The following GLG1 variants were observed in gnomAD, a reference collection of about 807,000 sequenced individuals.
GLG1 encodes the protein Golgi apparatus protein 1.
In GLG1, 38 loss-of-function variants were observed where a neutral mutation model predicts 160.5. The ratio of observed to expected loss-of-function variants is 0.24; its 90% confidence interval spans 0.18 to 0.31. The LOEUF (loss-of-function observed/expected upper bound fraction) is 0.31. GLG1 is among the 10% of genes least tolerant of loss of function. The pLI, the probability that GLG1 is intolerant of heterozygous loss-of-function variation, is 1.00. For synonymous variants in GLG1, 644 were observed against 543.4 expected, an observed-to-expected ratio of 1.19 and a Z score of -2.57; for missense variants, 1,373 against 1,505.2, an observed-to-expected ratio of 0.91 and a Z score of 1.45.
chr16:74,570,008 C>T (rs2018781624), intron 1 of GLG1, among the ~76,000 whole-genome samples: 1 of 149,498 alleles, frequency 6.7e-6, no homozygotes, highest in African/African-American at 2.5e-5. Context: ...CACAGCAAAC[C>T]CCGTCTCAAA....
intron 1 of GLG1, among the ~76,000 whole-genome samples, chr16:74,579,251 A>T (rs1022772298): frequency 2.0e-5 from 3 of 152,118 alleles, no homozygotes; most frequent in African/African-American, 7.2e-5. Flanking sequence ...TCTACTAAAA[A>T]CACAAAAATT....
intron 2 of GLG1, among the ~76,000 whole-genome samples, chr16:74,511,590 A>AAC (rs2016808267): frequency 6.7e-6 from 1 of 149,384 alleles, no homozygotes; most frequent in South Asian, 2.1e-4. Flanking sequence ...TTTTTTAAAA[A>AAC]AAAAAAAAAA....
At chr16:74,502,722 G>GTTTTTTTTTTTT (rs745410150) in intron 4 of GLG1, among the ~76,000 whole-genome samples, 7 of 109,570 alleles carry the variant, frequency 6.4e-5, no homozygotes, top group Non-Finnish European at 1.1e-4. Flanking sequence ...TTTGTTTTTG[G>GTTTTTTTTTTTT]TTTTTTTTTT....
At chr16:74,463,890 A>T in intron 19 of GLG1, 1 of 188,178 alleles carries the variant, frequency 5.3e-6, no homozygotes, top group South Asian at 1.0e-4. Flanking sequence ...TTTTTTTTTT[A>T]AGGCTAGTCA....
chr16:74,597,919 G>C (rs996261116), intron 1 of GLG1, among the ~76,000 whole-genome samples: 5 of 150,582 alleles, frequency 3.3e-5, no homozygotes, highest in Admixed American at 3.3e-4. Context: ...ATGAGGCTGA[G>C]GCAGGAGAAT....
At chr16:74,492,840 GA>G (rs1412376925) in intron 7 of GLG1, 116 bp downstream of exon 7, 5 of 493,576 alleles carry the variant, frequency 1.0e-5, no homozygotes, top group Non-Finnish European at 1.6e-5. Context: ...AAAAAAAAAA[GA>G]AAAATACTCA....
intron 2 of GLG1, among the ~76,000 whole-genome samples, chr16:74,511,137 C>T (rs2016790645): frequency 6.6e-6 from 1 of 151,894 alleles, no homozygotes; most frequent in African/African-American, 2.4e-5. Context: ...AACGGGGAAT[C>T]GCAGAAGAGA....
intron 6 of GLG1, among the ~76,000 whole-genome samples, chr16:74,494,345 G>C (rs142638571): frequency 9.0e-4 from 134 of 149,520 alleles, no homozygotes; most frequent in Middle Eastern, 3.5e-3. Flanking sequence ...AGCTTTATCA[G>C]TCATTTACGT....
Position 74,465,867 on chromosome 16 carries a change from T to C in GLG1, c.2530-54A>G, listed in dbSNP as rs76506910. ...AGAGATGTCAGAGACTGCTCATCCATGTGTTCTGATTGAAACATTCAGCTC... is the reference window on the plus strand; with the variant it reads ...AGAGATGTCAGAGACTGCTCATCCACGTGTTCTGATTGAAACATTCAGCTC... On this transcript the variant is annotated intron_variant, in intron 18 of 25. Coordinates refer to ENST00000422840, the MANE Select transcript of GLG1 (RefSeq NM_001145667.2). 1.4e-4 allele frequency: 206 copies of C among 1,506,840 alleles called. 1 individual carries two copies. The African/African-American group carries it at 2.3e-3, about 17-fold the overall frequency. The allele number at this position is 1,506,840 out of a possible 1,614,324, so 93.3% of individuals were successfully genotyped here. A position where few individuals can be genotyped will look rare whatever the true frequency, so the allele number is the denominator to read the frequency against.
intron 1 of GLG1, among the ~76,000 whole-genome samples, chr16:74,538,308 G>A (rs1046228308): frequency 6.6e-6 from 1 of 151,046 alleles, no homozygotes; most frequent in Admixed American, 6.6e-5. Flanking sequence ...AAGTCTTCTG[G>A]GAGTTTATTC....
chr16:74,579,239 T>C (rs1010878901), intron 1 of GLG1, among the ~76,000 whole-genome samples: 1 of 151,924 alleles, frequency 6.6e-6, no homozygotes, highest in African/African-American at 2.4e-5. Context: ...TGAGACCCCA[T>C]CTCTACTAAA....
chr16:74,600,029 G>C (rs1033065358), intron 1 of GLG1, among the ~76,000 whole-genome samples: 6 of 151,314 alleles, frequency 4.0e-5, no homozygotes, highest in African/African-American at 1.2e-4. Flanking sequence ...GCGAGACTCC[G>C]TCTTAACCAA....
At chr16:74,469,632 T>C (rs887062894) in intron 16 of GLG1, 4 of 246,350 alleles carry the variant, frequency 1.6e-5, no homozygotes, top group African/African-American at 4.3e-5. Context: ...GCATCTTAGA[T>C]GAGATGACAT....
intron 4 of GLG1, among the ~76,000 whole-genome samples, chr16:74,496,927 T>C (rs1397962159): frequency 6.6e-6 from 1 of 152,134 alleles, no homozygotes; most frequent in Non-Finnish European, 1.5e-5. Context: ...TATAGTTTAG[T>C]TAGCACTAGA....
intron 1 of GLG1, among the ~76,000 whole-genome samples, chr16:74,547,299 A>G (rs2018075180): frequency 6.6e-6 from 1 of 151,376 alleles, no homozygotes; most frequent in Non-Finnish European, 1.5e-5. Flanking sequence ...AGAAAAACAA[A>G]AACAGAAAAA....
chr16:74,508,883 A>G lies in GLG1; in HGVS notation c.514T>C (p.Phe172Leu), dbSNP rs916762168. 1.3e-6 allele frequency: 2 copies of G among 1,538,936 alleles called. No homozygotes were observed. Among genetic ancestry groups the G allele is most frequent in the African/African-American group, 1.4e-5 (1 of 73,526 alleles). The stretch of plus-strand genomic sequence containing the variant: ...CAAACCTCTCTGGCCACAGATTCAA[A>G]TTTGGGATCTGTAGTTAGGTTCAGC... ...YKLNLTTDPK[F>L]ESVAREVCKS... The change falls in exon 3 of 26, where the codon TTT (phenylalanine) becomes CTT (leucine). Residue 172 changes from phenylalanine (F) to leucine (L), a missense_variant. Around this residue, in one of 4 missense-constraint regions of GLG1, gnomAD observed 322 missense variants for 254.6 expected, o/e 1.26. Transcript: ENST00000422840.
At chr16:74,549,294 T>C (rs1281241644) in intron 1 of GLG1, among the ~76,000 whole-genome samples, 1 of 152,230 alleles carries the variant, frequency 6.6e-6, no homozygotes, top group Non-Finnish European at 1.5e-5. Flanking sequence ...GAATTTTGTC[T>C]TCTCCATCTT....
chr16:74,532,887 T>C lies in GLG1; in HGVS notation c.439-734A>G, dbSNP rs1434062858. ...ATTGGGGGAAGCTATGTGATGGGTA[T>C]GTAAGATCTCTAGGTACTGTTTTTG... On this transcript the variant is annotated intron_variant, in intron 1 of 25. Transcript: ENST00000422840. Among the ~76,000 whole-genome samples the C allele has an allele frequency of 3.9e-5, 6 of 152,190 alleles. No individual in the cohort carries two copies. The East Asian group carries it at 7.7e-4, about 19-fold the overall frequency.
At chr16:74,590,795 C>CAAAAAAAAAAA (rs71158529) in intron 1 of GLG1, among the ~76,000 whole-genome samples, 3 of 68,978 alleles carry the variant, frequency 4.3e-5, no homozygotes, top group African/African-American at 6.8e-5. Flanking sequence ...GAAACTGTCT[C>CAAAAAAAAAAA]AAAAAAAAAA....
Sources: gnomAD v4.1 joint callset for allele counts (sites outside exome capture counted in the v4.1 genomes callset) on GRCh38, gnomAD v4.1.1 for gene constraint, gnomAD v4.1.1 regional missense constraint, MANE v1.5 for transcripts, NCBI Gene and HGNC (gene_info 2026-07-23, HGNC 2026-07-21) for gene names.